STAC: variants seen among roughly 807,000 people sequenced by gnomAD.
The protein encoded by STAC is SH3 and cysteine rich domain.
In STAC, 43 loss-of-function variants were observed where a neutral mutation model predicts 48.8. The observed-to-expected ratio is 0.88, with a 90% CI of 0.69 to 1.14. The LOEUF (loss-of-function observed/expected upper bound fraction) is 1.14. Among genes scored for constraint, STAC ranks in the 50% most tolerant of loss-of-function variants. The pLI is 0.00. For synonymous variants in STAC, 193 were observed against 179.5 expected, an observed-to-expected ratio of 1.07 and a Z score of -0.60; for missense variants, 497 against 504.0, an observed-to-expected ratio of 0.99 and a Z score of 0.13.
intron 10 of STAC, among the ~76,000 whole-genome samples, chr3:36,530,593 C>CTTTTTTTTTTT (rs577222686): frequency 1.8e-4 from 13 of 72,016 alleles, no homozygotes; most frequent in East Asian, 4.3e-4. Context: ...TTTTTTTTTT[C>CTTTTTTTTTTT]TTTTTTTTTT....
chr3:36,489,146 T>C (rs1697898771), intron 5 of STAC, among the ~76,000 whole-genome samples: 1 of 152,198 alleles, frequency 6.6e-6, no homozygotes, highest in African/African-American at 2.4e-5. Context: ...ATATATATGA[T>C]TGCATTGTAA....
At chr3:36,446,378 T>C (rs1266611073) in intron 2 of STAC, among the ~76,000 whole-genome samples, 1 of 152,228 alleles carries the variant, frequency 6.6e-6, no homozygotes, top group African/African-American at 2.4e-5. Context: ...CAGGACTCCA[T>C]ACTGAGTCTT....
intron 1 of STAC, among the ~76,000 whole-genome samples, chr3:36,418,472 T>C (rs1187184100): frequency 1.3e-5 from 2 of 152,140 alleles, no homozygotes; most frequent in Non-Finnish European, 2.9e-5. Context: ...TCTGTGCTAA[T>C]AGAATGTGGC....
At chr3:36,409,263 G>A (rs1452376211) in intron 1 of STAC, among the ~76,000 whole-genome samples, 1 of 152,158 alleles carries the variant, frequency 6.6e-6, no homozygotes, top group African/African-American at 2.4e-5. Context: ...CTGTTAATGA[G>A]TTGATATTAA....
intron 10 of STAC, among the ~76,000 whole-genome samples, chr3:36,541,324 C>T (rs1699319232): frequency 6.6e-6 from 1 of 152,164 alleles, no homozygotes; most frequent in South Asian, 2.1e-4. Flanking sequence ...ACCTAAGTCA[C>T]ATAGGATAGG....
intron 10 of STAC, among the ~76,000 whole-genome samples, chr3:36,535,802 A>G (rs927956336): frequency 2.6e-5 from 4 of 152,210 alleles, no homozygotes; most frequent in African/African-American, 9.6e-5. Context: ...CCAGCCTTGC[A>G]TCCCAAGAAT....
Position 36,395,493 on chromosome 3 carries a change from G to T in STAC, c.111+14739G>T, listed in dbSNP as rs561336632. ...TCTTCACAGAGCCTGCACAAGAGGT[G>T]GAAGTTGGGATCAGGAGGTCCCTTA... On this transcript the variant is annotated intron_variant, in intron 1 of 10. Transcript: ENST00000273183. 7.2e-5 allele frequency among the ~76,000 whole-genome samples: 11 copies of T among 152,294 alleles called. No homozygotes were observed. In the East Asian group the frequency reaches 2.1e-3, roughly 29 times the overall value.
intron 2 of STAC, among the ~76,000 whole-genome samples, chr3:36,455,618 G>T (rs1364806977): frequency 6.6e-6 from 1 of 152,216 alleles, no homozygotes; most frequent in African/African-American, 2.4e-5. Context: ...CCATAACAGG[G>T]AATGCTCCAC....
chr3:36,493,273 C>G (rs765826403), intron 6 of STAC, 44 bp downstream of exon 6: 1 of 1,592,746 alleles, frequency 6.3e-7, no homozygotes, highest in Non-Finnish European at 8.6e-7. Context: ...TCACATGAGT[C>G]AGGGTCAGTG....
chr3:36,395,333 G>A (rs1330166433), intron 1 of STAC, among the ~76,000 whole-genome samples: 1 of 152,164 alleles, frequency 6.6e-6, no homozygotes, highest in East Asian at 1.9e-4. Flanking sequence ...GGCATGGGGA[G>A]CACCTAAAGC....
chr3:36,499,415 A>T (rs1197877026), intron 6 of STAC, among the ~76,000 whole-genome samples: 1 of 152,184 alleles, frequency 6.6e-6, no homozygotes, highest in African/African-American at 2.4e-5. Context: ...GTTAAAACAT[A>T]TCTCATAAAA....
Position 36,395,135 on chromosome 3 carries a change from T to C in STAC, c.111+14381T>C, listed in dbSNP as rs1699831226. ...AAAAAGATTGGATGTGAACTTAATC[T>C]TATGGATAACTTTGCAAAGATAGAA... On this transcript the variant is annotated intron_variant, in intron 1 of 10. Transcript: ENST00000273183. Among the ~76,000 whole-genome samples the C allele has an allele frequency of 2.0e-5, 3 of 152,072 alleles. No individual in the cohort carries two copies. In the South Asian group the frequency reaches 6.2e-4, roughly 32 times the overall value.
chr3:36,412,523 G>A (rs1330596466), intron 1 of STAC, among the ~76,000 whole-genome samples: 6 of 151,818 alleles, frequency 4.0e-5, no homozygotes, highest in African/African-American at 1.5e-4. Flanking sequence ...AGCCTTTCGG[G>A]GGAAAAAAAG....
chr3:36,525,956 TG>T (rs1335615710), intron 8 of STAC, among the ~76,000 whole-genome samples: 1 of 152,244 alleles, frequency 6.6e-6, no homozygotes, highest in African/African-American at 2.4e-5. Context: ...AATCTACTTT[TG>T]CTCCAATTCC....
chr3:36,398,693 A>G lies in STAC; in HGVS notation c.111+17939A>G, dbSNP rs557727867. 1.2e-3 allele frequency among the ~76,000 whole-genome samples: 174 copies of G among 146,180 alleles called. 3 individuals are homozygous for G. The highest frequency in any genetic ancestry group is 3.0e-3 in the African/African-American group (115 of 38,216). ...GGAAGGAAAGAAAGAAAGAAAGAAA[A>G]GAAAGAAAGAAAGAAAGAGAGAAAG... On this transcript the variant is annotated intron_variant, in intron 1 of 10. Coordinates refer to ENST00000273183, the MANE Select transcript of STAC (RefSeq NM_003149.3).
At chr3:36,521,553 G>A (rs1575259269) in intron 8 of STAC, among the ~76,000 whole-genome samples, 1 of 152,144 alleles carries the variant, frequency 6.6e-6, no homozygotes, top group Non-Finnish European at 1.5e-5. Context: ...CAAGGAAGGG[G>A]AAGAGGGACA....
At chr3:36,387,668 C>T (rs1427839966) in intron 1 of STAC, among the ~76,000 whole-genome samples, 1 of 151,948 alleles carries the variant, frequency 6.6e-6, no homozygotes, top group East Asian at 1.9e-4. Flanking sequence ...ATCAGAATTC[C>T]CTTCTTTTTT....
intron 2 of STAC, among the ~76,000 whole-genome samples, chr3:36,470,659 C>T (rs1697305307): frequency 6.6e-6 from 1 of 152,222 alleles, no homozygotes; most frequent in Admixed American, 6.5e-5. Context: ...TCTCAGCTTT[C>T]CTGGTATGCT....
chr3:36,421,969 TAG>T (rs549968101), intron 1 of STAC, among the ~76,000 whole-genome samples: 234 of 152,258 alleles, frequency 1.5e-3, no homozygotes, highest in African/African-American at 2.4e-3. Flanking sequence ...AGAAAAAAAG[TAG>T]AGAGTATATA....
Sources: gnomAD v4.1 joint callset for allele counts (sites outside exome capture counted in the v4.1 genomes callset) on GRCh38, gnomAD v4.1.1 for gene constraint, MANE v1.5 for transcripts, NCBI Gene and HGNC (gene_info 2026-07-23, HGNC 2026-07-21) for gene names.